The following KCNB2 variants were observed in gnomAD, a reference collection of about 807,000 sequenced individuals.
The protein encoded by KCNB2 is delayed rectifier potassium channel protein.
In KCNB2, 15 loss-of-function variants were observed where a neutral mutation model predicts 61.5. That is an observed-to-expected ratio of 0.24 (90% CI 0.16 to 0.38). The LOEUF (loss-of-function observed/expected upper bound fraction) is 0.38, where lower values mean the gene tolerates loss of function less well. Ranked by LOEUF, KCNB2 falls within the 10% of genes least tolerant of loss-of-function variation. KCNB2 has a pLI of 1.00. For synonymous variants in KCNB2, 457 were observed against 446.0 expected (o/e 1.02, Z -0.31); for missense variants, 828 against 1,125.2 (o/e 0.74, Z 3.78).
At chr8:72,803,100 C>T (rs12156110) in intron 2 of KCNB2, among the ~76,000 whole-genome samples, 15,017 of 152,176 alleles carry the variant, frequency 0.099, 1,040 homozygotes, top group East Asian at 0.4. Flanking sequence ...TGGTCTCGAC[C>T]TGTGGAAATG....
At chr8:72,867,414 G>C (rs1315401157) in intron 2 of KCNB2, among the ~76,000 whole-genome samples, 1 of 152,186 alleles carries the variant, frequency 6.6e-6, no homozygotes, top group African/African-American at 2.4e-5. Context: ...TTTGGGAGCA[G>C]AGGCGGGTGG....
intron 2 of KCNB2, among the ~76,000 whole-genome samples, chr8:72,675,137 T>C (rs1806631297): frequency 6.6e-6 from 1 of 152,168 alleles, no homozygotes; most frequent in Non-Finnish European, 1.5e-5. Context: ...AAAAAATGGA[T>C]TGTTTTCATC....
intron 2 of KCNB2, among the ~76,000 whole-genome samples, chr8:72,778,815 T>C (rs905140945): frequency 2.0e-5 from 3 of 146,500 alleles, no homozygotes; most frequent in Non-Finnish European, 4.5e-5. Flanking sequence ...AAAGAATTCT[T>C]TCCAATTAAA....
At chr8:72,791,718 A>G (rs865780786) in intron 2 of KCNB2, among the ~76,000 whole-genome samples, 4 of 152,210 alleles carry the variant, frequency 2.6e-5, no homozygotes, top group African/African-American at 9.6e-5. Context: ...TCTTCATGAA[A>G]TGCCAACTGA....
chr8:72,760,875 A>G (rs1808366972), intron 2 of KCNB2, among the ~76,000 whole-genome samples: 1 of 152,124 alleles, frequency 6.6e-6, no homozygotes, highest in Non-Finnish European at 1.5e-5. Context: ...CTACTGTCAG[A>G]CCATATGTTG....
intron 2 of KCNB2, among the ~76,000 whole-genome samples, chr8:72,715,358 A>G (rs1013567356): frequency 6.6e-6 from 1 of 152,220 alleles, no homozygotes; most frequent in Non-Finnish European, 1.5e-5. Context: ...CAGAATCTAC[A>G]TTCTTTTCAG....
intron 2 of KCNB2, among the ~76,000 whole-genome samples, chr8:72,859,707 G>GTT (rs1187550622): frequency 4.8e-5 from 2 of 42,008 alleles, no homozygotes; most frequent in Admixed American, 3.2e-4. Context: ...ACTTCATTTC[G>GTT]TTTTTTTTTT....
At chr8:72,697,148 A>G (rs1295697840) in intron 2 of KCNB2, among the ~76,000 whole-genome samples, 8 of 152,174 alleles carry the variant, frequency 5.3e-5, no homozygotes. Flanking sequence ...TACAACAACT[A>G]CTAAATGAAC....
chr8:72,724,988 G>A (rs551935015), intron 2 of KCNB2, among the ~76,000 whole-genome samples: 2 of 151,872 alleles, frequency 1.3e-5, no homozygotes, highest in South Asian at 2.1e-4. Flanking sequence ...TCCTAACCTT[G>A]GAGATATCAC....
At chr8:72,547,677 G>T (rs1806279339) in intron 1 of KCNB2, among the ~76,000 whole-genome samples, 1 of 152,228 alleles carries the variant, frequency 6.6e-6, no homozygotes, top group South Asian at 2.1e-4. Context: ...AGCAGAGAAG[G>T]AGTTGCTTCT....
chr8:72,851,106 G>A (rs1293011600), intron 2 of KCNB2, among the ~76,000 whole-genome samples: 1 of 6,822 alleles, frequency 1.5e-4, no homozygotes, highest in African/African-American at 2.9e-4. Context: ...TAAAGCTAAT[G>A]CAGCAAAGTC....
At chr8:72,717,724 A>G (rs1346156258) in intron 2 of KCNB2, among the ~76,000 whole-genome samples, 14 of 152,240 alleles carry the variant, frequency 9.2e-5, no homozygotes, top group Non-Finnish European at 1.8e-4. Context: ...AAGAAAACCT[A>G]GGCAATACCA....
chr8:72,837,871 A>G (rs921578400), intron 2 of KCNB2, among the ~76,000 whole-genome samples: 1 of 152,164 alleles, frequency 6.6e-6, no homozygotes, highest in Non-Finnish European at 1.5e-5. Context: ...TTATTAACCA[A>G]CAAAGTCTAT....
intron 2 of KCNB2, among the ~76,000 whole-genome samples, chr8:72,812,534 A>C (rs780220605): frequency 6.6e-6 from 1 of 152,088 alleles, no homozygotes; most frequent in Non-Finnish European, 1.5e-5. Context: ...AAATATAGAT[A>C]TATATTTATT....
chr8:72,922,647 T>G (rs1276626916), intron 2 of KCNB2, among the ~76,000 whole-genome samples: 1 of 152,192 alleles, frequency 6.6e-6, no homozygotes, highest in African/African-American at 2.4e-5. Context: ...GTAGACCCTC[T>G]CTGTCTCAAT....
intron 2 of KCNB2, among the ~76,000 whole-genome samples, chr8:72,889,292 G>T (rs1397333859): frequency 6.6e-6 from 1 of 152,126 alleles, no homozygotes; most frequent in Non-Finnish European, 1.5e-5. Flanking sequence ...TGATCCCAGG[G>T]CATTAAAGGA....
intron 2 of KCNB2, among the ~76,000 whole-genome samples, chr8:72,888,495 T>G (rs1805842217): frequency 6.6e-6 from 1 of 152,232 alleles, no homozygotes; most frequent in African/African-American, 2.4e-5. Flanking sequence ...ATTTTGCTTT[T>G]AGTACATAAA....
chr8:72,572,585 TCTCACACAGA>T (rs1311745565), intron 2 of KCNB2, among the ~76,000 whole-genome samples: 5 of 151,490 alleles, frequency 3.3e-5, no homozygotes, highest in Non-Finnish European at 5.9e-5. Flanking sequence ...TCTCTCTCTC[TCTCACACAGA>T]CACACACAGA....
intron 2 of KCNB2, among the ~76,000 whole-genome samples, chr8:72,714,323 C>G (rs1234090934): frequency 1.3e-5 from 2 of 152,158 alleles, no homozygotes; most frequent in East Asian, 3.9e-4. Context: ...CACAAAGATA[C>G]TCCTCGAGAA....
Sources: allele counts gnomAD v4.1 joint callset (sites outside exome capture counted in the v4.1 genomes callset), GRCh38; gene constraint gnomAD v4.1.1; transcripts MANE v1.5; gene names NCBI Gene and HGNC (gene_info 2026-07-23, HGNC 2026-07-21).